Variants in ARAP2 observed in about 807,000 individuals in gnomAD.
ARAP2 encodes arf-GAP with Rho-GAP domain, ANK repeat and PH domain-containing protein 2.
ARAP2 carries 148 observed loss-of-function variants against 194.5 expected under a neutral mutation model. The ratio of observed to expected loss-of-function variants is 0.76; its 90% CI spans 0.67 to 0.87. The LOEUF (loss-of-function observed/expected upper bound fraction) is 0.87. Among genes scored for constraint, ARAP2 ranks in the 40% least tolerant of loss-of-function variants. ARAP2 has a pLI of 0.00. For synonymous variants in ARAP2, 695 were observed against 683.5 expected, an observed-to-expected ratio of 1.02 and a Z score of -0.26; for missense variants, 2,128 against 1,989.7, an observed-to-expected ratio of 1.07 and a Z score of -1.32.
At chr4:36,214,771 A>G (rs1747541606) in intron 2 of ARAP2, among the ~76,000 whole-genome samples, 1 of 152,242 alleles carries the variant, frequency 6.6e-6, no homozygotes, top group Admixed American at 6.5e-5. Context: ...TGCTACTCAC[A>G]TCTATAATTT....
intron 21 of ARAP2, 62 bp from the exon 22 acceptor site, chr4:36,125,029 T>C: frequency 9.3e-7 from 1 of 1,071,598 alleles, no homozygotes; most frequent in Non-Finnish European, 1.4e-6. Context: ...TGGATTTGTC[T>C]ATCAGCAGTA....
chr4:36,069,083 T>C (rs1004829465), intron 32 of ARAP2, among the ~76,000 whole-genome samples: 16 of 152,156 alleles, frequency 1.1e-4, no homozygotes, highest in Non-Finnish European at 5.9e-5. Context: ...TGTACACACA[T>C]AGGAAATGAT....
chr4:36,115,666 T>G (rs1482523280), intron 25 of ARAP2, among the ~76,000 whole-genome samples: 3 of 152,030 alleles, frequency 2.0e-5, no homozygotes, highest in Non-Finnish European at 4.4e-5. Context: ...CTGGCCTTAG[T>G]ATTCTTACTT....
At chr4:36,008,519 T>C (rs1713782852) in intron 9 of ARAP2, among the ~76,000 whole-genome samples, 1 of 152,092 alleles carries the variant, frequency 6.6e-6, no homozygotes, top group African/African-American at 2.4e-5. Context: ...GATTCCTACA[T>C]ACCACCATAC....
intron 32 of ARAP2, among the ~76,000 whole-genome samples, chr4:36,071,807 G>A (rs946552285): frequency 6.0e-5 from 9 of 150,314 alleles, no homozygotes; most frequent in East Asian, 5.8e-4. Flanking sequence ...CCACTAACTC[G>A]TCATCTAGCA....
rs1731715436 is a variant in ARAP2, at chr4:36,154,278, A to C, written c.2753-3234T>G. On this transcript the variant is annotated intron_variant, in intron 15 of 32. Coordinates refer to ENST00000303965, the MANE Select transcript of ARAP2 (RefSeq NM_015230.4). ...GCACCCACTACAAACAGTAAGATAC[A>C]TTAGTAATCCTTTTCATTTAAAATA... Among the ~76,000 whole-genome samples, 11 of 152,322 alleles carry C rather than the reference A, an allele frequency of 7.2e-5. No homozygotes were observed. The South Asian group carries it at 2.1e-3, about 29-fold the overall frequency.
chr4:36,229,591 GAA>G lies in ARAP2; in HGVS notation c.-107_-106del, dbSNP rs1414783155. 1 of 877,922 alleles carries G rather than the reference GAA, an allele frequency of 1.1e-6. No homozygotes were observed. The highest frequency in any genetic ancestry group is 1.7e-5 in the African/African-American group (1 of 59,824). The allele number at this position is 877,922 out of a possible 1,614,324, so 54.4% of individuals were successfully genotyped here. A position where few individuals can be genotyped will look rare whatever the true frequency, so the allele number is the denominator to read the frequency against. On this transcript the variant is annotated 5_prime_UTR_variant, in exon 2 of 33. Coordinates refer to ENST00000303965, the MANE Select transcript of ARAP2 (RefSeq NM_015230.4). ...GGCTTTTCCTCTATCAATTGTGACA[GAA>G]AAGTTTCTTAAAATGTTATTTTCTT...
At chr4:36,074,984 C>A (rs576243801) in intron 31 of ARAP2, among the ~76,000 whole-genome samples, 1 of 152,198 alleles carries the variant, frequency 6.6e-6, no homozygotes, top group East Asian at 1.9e-4. Context: ...GTTAGTGAAG[C>A]ATTTACCTTA....
chr4:36,029,932 A>G (rs1476971130), intron 5 of ARAP2, among the ~76,000 whole-genome samples: 2 of 151,968 alleles, frequency 1.3e-5, no homozygotes. Flanking sequence ...TAGCATTATT[A>G]CTTTTTAATT....
intron 27 of ARAP2, among the ~76,000 whole-genome samples, chr4:36,094,617 A>C (rs754568690): frequency 6.6e-6 from 1 of 152,194 alleles, no homozygotes; most frequent in Non-Finnish European, 1.5e-5. Context: ...AGAAAGGGAA[A>C]AGGCAAAGGA....
At chr4:36,028,710 T>C (rs2109357140) in intron 5 of ARAP2, among the ~76,000 whole-genome samples, 1 of 152,142 alleles carries the variant, frequency 6.6e-6, no homozygotes, top group African/African-American at 2.4e-5. Flanking sequence ...TAAAACCTTG[T>C]ATTTACTTGC....
intron 21 of ARAP2, among the ~76,000 whole-genome samples, chr4:36,127,397 T>C (rs1724205017): frequency 6.6e-6 from 1 of 151,320 alleles, no homozygotes; most frequent in Non-Finnish European, 1.5e-5. Context: ...TTCTGAAAGG[T>C]AGTTATATCG....
At chr4:36,065,882 T>C (rs531654407), downstream of ARAP2, 15 of 152,294 alleles carry the variant, frequency 9.8e-5, no homozygotes, top group African/African-American at 2.9e-4. Context: ...GGAAAAACAA[T>C]ACAGCCAGTT....
At chr4:36,141,224 T>C (rs958606655) in intron 19 of ARAP2, among the ~76,000 whole-genome samples, 3 of 151,634 alleles carry the variant, frequency 2.0e-5, no homozygotes, top group Non-Finnish European at 4.4e-5. Context: ...ACAAGTGATA[T>C]TTGACAATAT....
intron 8 of ARAP2, among the ~76,000 whole-genome samples, chr4:36,013,414 T>G (rs1327167066): frequency 6.6e-6 from 1 of 152,088 alleles, no homozygotes; most frequent in Non-Finnish European, 1.5e-5. Flanking sequence ...ATTAGTTGAG[T>G]GATGATGTGG....
chr4:36,101,220 G>A (rs558946467), intron 27 of ARAP2, among the ~76,000 whole-genome samples: 8 of 152,048 alleles, frequency 5.3e-5, no homozygotes, highest in Non-Finnish European at 1.2e-4. Flanking sequence ...GGGGGGAGAC[G>A]TGGTAGTGTC....
intron 20 of ARAP2, 26 bp downstream of exon 20, chr4:36,133,200 T>C: frequency 6.2e-7 from 1 of 1,607,420 alleles, no homozygotes. Flanking sequence ...GTTCTAAGGG[T>C]TGAATAAAAA....
chr4:36,013,418 G>C (rs139318226), intron 8 of ARAP2, among the ~76,000 whole-genome samples: 1 of 152,318 alleles, frequency 6.6e-6, no homozygotes, highest in Non-Finnish European at 1.5e-5. Context: ...GTTGAGTGAT[G>C]ATGTGGTTTC....
chr4:36,164,505 T>C (rs1043443909), intron 11 of ARAP2, among the ~76,000 whole-genome samples: 4 of 152,220 alleles, frequency 2.6e-5, no homozygotes, highest in African/African-American at 9.6e-5. Flanking sequence ...GTACCAGATC[T>C]GGCATATGAA....
Sources: gnomAD v4.1 joint callset for allele counts (sites outside exome capture counted in the v4.1 genomes callset) on GRCh38, gnomAD v4.1.1 for gene constraint, MANE v1.5 for transcripts, NCBI Gene and HGNC (gene_info 2026-07-23, HGNC 2026-07-21) for gene names.